Variants in NT5C2 observed in about 807,000 individuals in gnomAD.
NT5C2 encodes 5'-nucleotidase, cytosolic II, also known as cytosolic purine 5'-nucleotidase.
In NT5C2, 58 loss-of-function variants were observed where a neutral mutation model predicts 76.1. That is an observed-to-expected ratio of 0.76 (90% CI 0.62 to 0.95). NT5C2 has a LOEUF of 0.95. Among genes scored for constraint, NT5C2 ranks in the 40% least tolerant of loss-of-function variants. The pLI is 0.00. For missense variants in NT5C2, 478 were observed against 690.3 expected (o/e 0.69, Z 3.45); for synonymous variants, 229 against 237.4 (o/e 0.96, Z 0.32).
intron 3 of NT5C2, among the ~76,000 whole-genome samples, chr10:103,170,387 C>T (rs1298863671): frequency 2.6e-5 from 4 of 152,032 alleles, no homozygotes; most frequent in Admixed American, 2.6e-4. Flanking sequence ...CTATTGTTTC[C>T]AGTACATACA....
At chr10:103,146,365 CAGTT>C (rs1280677303) in intron 3 of NT5C2, 3 of 985,280 alleles carry the variant, frequency 3.0e-6, no homozygotes, top group Non-Finnish European at 2.4e-6. Context: ...TGCCCAATGA[CAGTT>C]AGTGCAACAA....
At chr10:103,150,652 C>T (rs1002767870) in intron 3 of NT5C2, among the ~76,000 whole-genome samples, 4 of 152,172 alleles carry the variant, frequency 2.6e-5, no homozygotes, top group Non-Finnish European at 4.4e-5. Context: ...CATTGCTCCA[C>T]AGTCAGTGTT....
chr10:103,188,533 T>C (rs2092318027), intron 1 of NT5C2, among the ~76,000 whole-genome samples: 1 of 152,054 alleles, frequency 6.6e-6, no homozygotes, highest in Non-Finnish European at 1.5e-5. Flanking sequence ...TGCAAAACAT[T>C]TTGGGATTCA....
intron 4 of NT5C2, among the ~76,000 whole-genome samples, chr10:103,113,521 G>A (rs1307473507): frequency 6.6e-6 from 1 of 151,412 alleles, no homozygotes; most frequent in African/African-American, 2.4e-5. Flanking sequence ...AATAAAAACA[G>A]ATCACAGCAC....
At chr10:103,175,036 C>A in intron 2 of NT5C2, 54 bp from the exon 3 acceptor site, 1 of 1,001,646 alleles carries the variant, frequency 1.0e-6, no homozygotes. Flanking sequence ...TGTATACTGA[C>A]ATCTGATTTT....
intron 3 of NT5C2, among the ~76,000 whole-genome samples, chr10:103,142,980 T>C (rs9919485): frequency 0.42 from 58,569 of 139,250 alleles, 12,124 homozygotes; most frequent in East Asian, 0.57. Context: ...CAAAGCAAGA[T>C]TCCATCAAAA....
intron 10 of NT5C2, chr10:103,098,025 A>T (rs765853788): frequency 1.9e-6 from 1 of 528,836 alleles, no homozygotes; most frequent in Non-Finnish European, 3.9e-6. Context: ...GAAGCACAAA[A>T]ACTGAAAACA....
intron 3 of NT5C2, among the ~76,000 whole-genome samples, chr10:103,163,484 T>C (rs565916241): frequency 2.6e-4 from 39 of 152,322 alleles, no homozygotes; most frequent in South Asian, 8.3e-4. Flanking sequence ...AACAGGCATA[T>C]ATACAGTTGC....
intron 3 of NT5C2, among the ~76,000 whole-genome samples, chr10:103,154,575 T>C (rs1477038455): frequency 6.6e-6 from 1 of 152,176 alleles, no homozygotes; most frequent in Non-Finnish European, 1.5e-5. Flanking sequence ...TTTGAATAAG[T>C]TACTTAACCT....
At chr10:103,097,932 C>T in intron 10 of NT5C2, 2 of 469,856 alleles carry the variant, frequency 4.3e-6, no homozygotes, top group Non-Finnish European at 4.1e-6. Context: ...TCTCGCATAG[C>T]AAATAGATTC....
In NT5C2 at chr10:103,091,628, T is replaced by C; in HGVS notation, c.1160-13A>G. 1 of 1,611,214 alleles carries C rather than the reference T, an allele frequency of 6.2e-7. No individual in the cohort carries two copies. Among genetic ancestry groups the C allele is most frequent in the South Asian group, 1.1e-5 (1 of 90,980 alleles). On this transcript the variant is annotated splice_polypyrimidine_tract_variant and intron_variant, in intron 15 of 18. Coordinates refer to ENST00000404739, the MANE Select transcript of NT5C2 (RefSeq NM_001351169.2). ...TCTTCGAAAAGTGCTAGTTAAGGTT[T>C]GGAAGGAAAAGGAAGACATTTTAAA...
chr10:103,180,172 C>G (rs1256039041), intron 2 of NT5C2, among the ~76,000 whole-genome samples: 1 of 152,044 alleles, frequency 6.6e-6, no homozygotes, highest in Non-Finnish European at 1.5e-5. Context: ...TCATTTGTCA[C>G]TAGGGAAATA....
chr10:103,183,291 A>ATATATATATTATATATATATATATATC (rs1554841794), intron 1 of NT5C2, among the ~76,000 whole-genome samples: 11 of 128,144 alleles, frequency 8.6e-5, no homozygotes, highest in Non-Finnish European at 6.4e-5. Context: ...ATATATATAT[A>ATATATATATTATATATATATATATATC]TATCACACAC....
intron 15 of NT5C2, 34 bp from the exon 16 acceptor site, chr10:103,091,649 TTAAA>T (rs781390062): frequency 1.9e-6 from 3 of 1,575,168 alleles, no homozygotes; most frequent in Non-Finnish European, 2.6e-6. Flanking sequence ...GGAAGACATT[TTAAA>T]TAAATAAGCA....
At chr10:103,177,392 T>C (rs1419931343) in intron 2 of NT5C2, among the ~76,000 whole-genome samples, 1 of 152,228 alleles carries the variant, frequency 6.6e-6, no homozygotes, top group Non-Finnish European at 1.5e-5. Flanking sequence ...ATGAAAAATA[T>C]CCTCTTAGAG....
chr10:103,129,279 GCC>G (rs2077432831), intron 4 of NT5C2, among the ~76,000 whole-genome samples: 1 of 108,010 alleles, frequency 9.3e-6, no homozygotes, highest in Non-Finnish European at 2.0e-5. Flanking sequence ...CCGGCCAGCC[GCC>G]CCGTCCGGGA....
At chr10:103,182,529 G>A (rs1212704568) in intron 1 of NT5C2, among the ~76,000 whole-genome samples, 2 of 151,908 alleles carry the variant, frequency 1.3e-5, no homozygotes, top group Non-Finnish European at 2.9e-5. Flanking sequence ...CAGCAACTTG[G>A]GAGGGTGAGG....
intron 1 of NT5C2, among the ~76,000 whole-genome samples, chr10:103,190,025 G>C (rs1591960934): frequency 7.6e-6 from 1 of 132,382 alleles, no homozygotes. Context: ...TTTTGAGACA[G>C]AGTTTCACTC....
At chr10:103,182,246 T>C (rs766166528) in intron 1 of NT5C2, among the ~76,000 whole-genome samples, 93 of 152,286 alleles carry the variant, frequency 6.1e-4, no homozygotes, top group Middle Eastern at 3.4e-3. Flanking sequence ...GAATCAAATA[T>C]TCATTTTTCA....
Sources: gnomAD v4.1 joint callset for allele counts (sites outside exome capture counted in the v4.1 genomes callset) on GRCh38, gnomAD v4.1.1 for gene constraint, MANE v1.5 for transcripts, NCBI Gene and HGNC (gene_info 2026-07-23, HGNC 2026-07-21) for gene names.